RIPK4: variants seen among roughly 807,000 people sequenced by gnomAD.
RIPK4 encodes receptor interacting serine/threonine kinase 4.
Under a neutral mutation model 42.9 loss-of-function variants are expected in RIPK4, and 17 were observed. The observed-to-expected ratio is 0.40, with a 90% CI of 0.27 to 0.59. The LOEUF (loss-of-function observed/expected upper bound fraction) is 0.59, where lower values mean the gene tolerates loss of function less well. Ranked by LOEUF, RIPK4 falls within the 20% of genes least tolerant of loss-of-function variation. The pLI is 0.47. For missense variants in RIPK4, 897 were observed against 1,104.4 expected, an observed-to-expected ratio of 0.81 and a Z score of 2.66; for synonymous variants, 498 against 499.1, an observed-to-expected ratio of 1.00 and a Z score of 0.03.
At chr21:41,745,195 G>A (rs1196683992) in intron 6 of RIPK4, among the ~76,000 whole-genome samples, 1 of 152,158 alleles carries the variant, frequency 6.6e-6, no homozygotes. Context: ...GATCTCCTGA[G>A]CTCACACCAA....
At chr21:41,750,945 TG>T in intron 3 of RIPK4, 151 bp downstream of exon 3, 1 of 924,500 alleles carries the variant, frequency 1.1e-6, no homozygotes, top group Non-Finnish European at 1.6e-6. Flanking sequence ...CCCGCAGTGC[TG>T]GGATTACAGG....
At position 41,741,936 on chromosome 21, in the gene RIPK4, G is replaced by T; in HGVS notation, c.1257C>A (p.Thr419=). The T allele has an allele frequency of 6.2e-7, 1 of 1,612,144 alleles. No individual in the cohort carries two copies. Among genetic ancestry groups the T allele is most frequent in the Non-Finnish European group, 8.5e-7 (1 of 1,178,974 alleles). Reference sequence around the variant, plus strand: ...GCTGCAGGATCTTCATCAGTTTGCTGGTGTCCCCGGACACGATGGCATCCA... The same window carrying T: ...GCTGCAGGATCTTCATCAGTTTGCTTGTGTCCCCGGACACGATGGCATCCA... ...KLVDAIVSGD[T]SKLMKILQPQ... is the part of the protein sequence containing the mutation. The change falls in exon 8 of 8, where the codon ACC becomes ACA. Residue 419 remains threonine (T), a synonymous_variant. Transcript: ENST00000332512.
Position 41,744,028 on chromosome 21 carries a change from G to A in RIPK4, c.1049C>T (p.Pro350Leu), listed in dbSNP as rs370587869. Residue 350 changes from proline (P) to leucine (L), a missense_variant, in exon 7 of 8, where the codon CCC becomes CTC. Transcript: ENST00000332512. ...AGAGGAGCTGCGGCTGAGCTCCTCG[G>A]GGCCCTCGACAGCCTGGGAAACTCC... is the stretch of plus-strand genomic sequence containing the variant. ...DSGVSQAVEG[P>L]EELSRSSSES... is the part of the protein sequence containing the mutation. 1.1e-5 allele frequency: 17 copies of A among 1,613,152 alleles called. No homozygotes were observed. In the Admixed American group the frequency reaches 2.7e-4, roughly 25 times the overall value.
chr21:41,743,367 C>T (rs1465908711), intron 7 of RIPK4, among the ~76,000 whole-genome samples: 2 of 152,262 alleles, frequency 1.3e-5, no homozygotes, highest in African/African-American at 2.4e-5. Flanking sequence ...AAGAGAAGTG[C>T]TCCTCCCTAT....
At chr21:41,758,943 G>A (rs2061212912) in intron 1 of RIPK4, among the ~76,000 whole-genome samples, 1 of 152,190 alleles carries the variant, frequency 6.6e-6, no homozygotes, top group Admixed American at 6.5e-5. Flanking sequence ...GTAAGAGGCT[G>A]AATCCCACGG....
chr21:41,763,895 G>T (rs1315205299), intron 1 of RIPK4, among the ~76,000 whole-genome samples: 2 of 152,032 alleles, frequency 1.3e-5, no homozygotes, highest in Non-Finnish European at 2.9e-5. Context: ...GGAGGAACGG[G>T]GCCTTTGGGA....
At chr21:41,746,458 G>A (rs1435636783) in intron 5 of RIPK4, among the ~76,000 whole-genome samples, 155 bp downstream of exon 5, 1 of 152,248 alleles carries the variant, frequency 6.6e-6, no homozygotes, top group Non-Finnish European at 1.5e-5. Flanking sequence ...CCGCAGGCAG[G>A]TGCTGGGTCC....
chr21:41,749,327 C>T (rs569616284), intron 3 of RIPK4, 124 bp from the exon 4 acceptor site: 22 of 863,404 alleles, frequency 2.5e-5, no homozygotes, highest in Middle Eastern at 2.5e-4. Flanking sequence ...GCCATGACAC[C>T]GAGATATTTC....
intron 1 of RIPK4, among the ~76,000 whole-genome samples, chr21:41,758,021 A>AAAAAAAATAT (rs1555910478): frequency 1.9e-5 from 1 of 51,364 alleles, no homozygotes; most frequent in African/African-American, 1.1e-4. Flanking sequence ...AAAAAAAAAA[A>AAAAAAAATAT]ATATATATAT....
In RIPK4 at chr21:41,766,819, C is replaced by T. The variant is rs962080192; in HGVS notation, c.182+41G>A. ...AGAGCACCCCGACCCCGACCCCAGCCCGGGCCCCAGCCGCCCCAGCGCCCC... is the reference window on the plus strand; with the variant it reads ...AGAGCACCCCGACCCCGACCCCAGCTCGGGCCCCAGCCGCCCCAGCGCCCC... On this transcript the variant is annotated intron_variant, in intron 1 of 7. Transcript: ENST00000332512. The T allele has an allele frequency of 1.9e-6, 3 of 1,577,550 alleles. No individual in the cohort carries two copies. In the African/African-American group the frequency reaches 4.1e-5, roughly 22 times the overall value.
rs2061200963 is a variant in RIPK4 at position 41,755,579 on chromosome 21, G to A, written c.474+946C>T. Among the ~76,000 whole-genome samples the A allele has an allele frequency of 6.6e-6, 1 of 152,198 alleles. No homozygotes were observed. The highest frequency in any genetic ancestry group is 2.1e-4 in the South Asian group (1 of 4,834). ...AAGTGCTGTGCCACCAGGAACAGTA[G>A]CACAGCCAAGCCAGGCAGGGGACTC... is the stretch of plus-strand genomic sequence containing the variant. On this transcript the variant is annotated intron_variant, in intron 2 of 7. Coordinates refer to ENST00000332512, the MANE Select transcript of RIPK4 (RefSeq NM_020639.3). This position sits in a 1 kb window ranked among gnomAD's most constrained non-coding sequence, Gnocchi z 4.2.
intron 5 of RIPK4, chr21:41,746,289 G>T (rs997134114): frequency 5.1e-6 from 3 of 588,386 alleles, no homozygotes; most frequent in African/African-American, 3.7e-5. Context: ...GCCGGCCACC[G>T]GCCAGGTAAG....
At chr21:41,762,115 C>A (rs2061222298) in intron 1 of RIPK4, among the ~76,000 whole-genome samples, 1 of 152,230 alleles carries the variant, frequency 6.6e-6, no homozygotes, top group African/African-American at 2.4e-5. Flanking sequence ...CTGAAGGGAG[C>A]CCGGCACGAC....
intron 1 of RIPK4, among the ~76,000 whole-genome samples, chr21:41,766,544 C>T (rs2061237349): frequency 6.6e-6 from 1 of 152,156 alleles, no homozygotes; most frequent in Non-Finnish European, 1.5e-5. Context: ...TGTCAGGAAG[C>T]ACGACTGGGC....
intron 2 of RIPK4, among the ~76,000 whole-genome samples, chr21:41,754,649 A>T (rs2061197742): frequency 2.0e-5 from 3 of 152,076 alleles, no homozygotes; most frequent in Non-Finnish European, 4.4e-5. Context: ...CCTTCACCTA[A>T]AGGCTCTGCT....
At chr21:41,766,633 C>T (rs534649536) in intron 1 of RIPK4, among the ~76,000 whole-genome samples, 2 of 152,144 alleles carry the variant, frequency 1.3e-5, no homozygotes, top group African/African-American at 4.8e-5. Context: ...CCGGCCCCGA[C>T]GTGCGCGATC....
Position 41,741,583 on chromosome 21 carries a change from C to G in RIPK4, c.1610G>C (p.Gly537Ala), listed in dbSNP as rs764194520. ...GCAGGCCACGTGCATGGGCGTCCGG[C>G]CCTCAAAGTCCACCTCGTTGACCGA... ...NASVNEVDFEGRTPMHVACQH... is the reference protein window; with the variant it reads ...NASVNEVDFEARTPMHVACQH... Residue 537 changes from glycine (G) to alanine (A), a missense_variant, in exon 8 of 8, where the codon GGC (glycine) becomes GCC (alanine). Physicochemically the swap from Gly to Ala is moderately conservative, Grantham distance 60 (BLOSUM62 0). Transcript: ENST00000332512. 1.2e-6 allele frequency: 2 copies of G among 1,611,948 alleles called. No homozygotes were observed. Among genetic ancestry groups the G allele is most frequent in the Non-Finnish European group, 1.7e-6 (2 of 1,180,028 alleles).
At chr21:41,759,938 T>C (rs1159373208) in intron 1 of RIPK4, among the ~76,000 whole-genome samples, 1 of 152,166 alleles carries the variant, frequency 6.6e-6, no homozygotes, top group Non-Finnish European at 1.5e-5. Context: ...CCCCCAACAA[T>C]GCAAGCCCTG....
intron 1 of RIPK4, among the ~76,000 whole-genome samples, chr21:41,762,109 A>G (rs2061222267): frequency 6.6e-6 from 1 of 152,228 alleles, no homozygotes; most frequent in South Asian, 2.1e-4. Flanking sequence ...AACTGCCTGA[A>G]GGGAGCCCGG....
Sources: gnomAD v4.1 joint callset for allele counts (sites outside exome capture counted in the v4.1 genomes callset) on GRCh38, gnomAD v4.1.1 for gene constraint, Gnocchi (gnomAD v3.1) non-coding constraint, MANE v1.5 for transcripts, NCBI Gene and HGNC (gene_info 2026-07-23, HGNC 2026-07-21) for gene names.